CFAP299: variants seen among roughly 807,000 people sequenced by gnomAD.
The protein encoded by CFAP299 is cilia and flagella associated protein 299, also known as cilia- and flagella-associated protein 299.
In CFAP299, 21 loss-of-function variants were observed where a neutral mutation model predicts 27.0. The observed-to-expected ratio is 0.78, with a 90% CI of 0.55 to 1.12. The LOEUF (loss-of-function observed/expected upper bound fraction) is 1.12. CFAP299 is among the 50% of genes most tolerant of loss of function. The pLI, the probability that CFAP299 is intolerant of heterozygous loss-of-function variation, is 0.00. For synonymous variants in CFAP299, 104 were observed against 98.1 expected (o/e 1.06, Z -0.36); for missense variants, 310 against 276.6 (o/e 1.12, Z -0.86).
chr4:80,440,913 C>G (rs1273113616), intron 2 of CFAP299, among the ~76,000 whole-genome samples: 1 of 152,104 alleles, frequency 6.6e-6, no homozygotes, highest in African/African-American at 2.4e-5. Context: ...CATGAAGCAT[C>G]CTCAAGTATC....
intron 3 of CFAP299, among the ~76,000 whole-genome samples, chr4:80,620,416 A>T (rs139413768): frequency 9.1e-4 from 138 of 152,302 alleles, no homozygotes; most frequent in African/African-American, 3.3e-3. Flanking sequence ...CAGACATGGC[A>T]TAGTGATGAA....
chr4:80,436,430 C>G (rs928969132), intron 2 of CFAP299, among the ~76,000 whole-genome samples: 16 of 151,850 alleles, frequency 1.1e-4, no homozygotes, highest in African/African-American at 3.9e-4. Context: ...TCCCGAGTAG[C>G]TGGGACTACC....
intron 2 of CFAP299, among the ~76,000 whole-genome samples, chr4:80,430,547 G>A (rs956694215): frequency 4.6e-5 from 7 of 152,156 alleles, no homozygotes; most frequent in African/African-American, 1.2e-4. Context: ...TCACAAGGAT[G>A]TTTGATTATG....
chr4:80,547,953 G>A (rs2110206191), intron 2 of CFAP299, among the ~76,000 whole-genome samples: 1 of 152,230 alleles, frequency 6.6e-6, no homozygotes, highest in Middle Eastern at 3.4e-3. Flanking sequence ...TAGCCACTGT[G>A]GAATACAATT....
chr4:80,869,450 A>G (rs1489874379), intron 3 of CFAP299, among the ~76,000 whole-genome samples: 1 of 152,144 alleles, frequency 6.6e-6, no homozygotes, highest in African/African-American at 2.4e-5. Context: ...AATAACAACT[A>G]ATTGTTAATT....
chr4:80,526,137 G>A (rs145527893), intron 2 of CFAP299, among the ~76,000 whole-genome samples: 25 of 152,162 alleles, frequency 1.6e-4, no homozygotes, highest in Admixed American at 2.6e-4. Context: ...CCTTTTGGCC[G>A]GAAGTCGGGT....
intron 4 of CFAP299, among the ~76,000 whole-genome samples, chr4:80,893,900 G>A (rs762771312): frequency 1.3e-5 from 2 of 151,910 alleles, no homozygotes; most frequent in Middle Eastern, 6.8e-3. Flanking sequence ...CATAGCAAAC[G>A]AAACAATCAG....
At chr4:80,736,564 G>T (rs1723891211) in intron 3 of CFAP299, among the ~76,000 whole-genome samples, 1 of 152,038 alleles carries the variant, frequency 6.6e-6, no homozygotes, top group South Asian at 2.1e-4. Context: ...ATGAAAAAAT[G>T]CTCACCATCA....
At chr4:80,942,988 G>C (rs1578256694) in intron 4 of CFAP299, among the ~76,000 whole-genome samples, 1 of 152,278 alleles carries the variant, frequency 6.6e-6, no homozygotes, top group East Asian at 1.9e-4. Flanking sequence ...GACTGCCAAT[G>C]CTACAGAATC....
chr4:80,922,975 T>C (rs1376864464), intron 4 of CFAP299, among the ~76,000 whole-genome samples: 1 of 151,850 alleles, frequency 6.6e-6, no homozygotes, highest in Non-Finnish European at 1.5e-5. Context: ...GATCAGCTAT[T>C]GGGCAAAATT....
chr4:80,585,348 A>G (rs1007958212), intron 3 of CFAP299, among the ~76,000 whole-genome samples: 1 of 152,192 alleles, frequency 6.6e-6, no homozygotes, highest in African/African-American at 2.4e-5. Flanking sequence ...ATATGTTCAG[A>G]TGTTAAGAAG....
At chr4:80,680,816 G>T (rs1441179277) in intron 3 of CFAP299, among the ~76,000 whole-genome samples, 1 of 152,156 alleles carries the variant, frequency 6.6e-6, no homozygotes, top group Non-Finnish European at 1.5e-5. Flanking sequence ...TCTCAGCCAT[G>T]AAGTGAAATT....
intron 2 of CFAP299, among the ~76,000 whole-genome samples, chr4:80,425,413 G>C (rs1727486723): frequency 6.6e-6 from 1 of 152,104 alleles, no homozygotes; most frequent in Admixed American, 6.5e-5. Context: ...CCTTATCTAA[G>C]ACATTTATTA....
At chr4:80,858,252 T>A (rs1732057537) in intron 3 of CFAP299, among the ~76,000 whole-genome samples, 2 of 152,100 alleles carry the variant, frequency 1.3e-5, no homozygotes, top group Non-Finnish European at 2.9e-5. Flanking sequence ...TCGGTGGTGA[T>A]ATCCCCTTTA....
chr4:80,654,760 C>G (rs1180169163), intron 3 of CFAP299, among the ~76,000 whole-genome samples: 2 of 151,336 alleles, frequency 1.3e-5, no homozygotes, highest in Non-Finnish European at 1.5e-5. Flanking sequence ...GGCATGCATG[C>G]CACCATGCCG....
Position 80,343,585 on chromosome 4 carries a change from C to T in CFAP299, c.111+7706C>T, listed in dbSNP as rs532100390. Among the ~76,000 whole-genome samples, 3 of 152,038 alleles carry T rather than the reference C, an allele frequency of 2.0e-5. No homozygotes were observed. The South Asian group carries it at 6.2e-4, about 32-fold the overall frequency. On this transcript the variant is annotated intron_variant, in intron 1 of 5. Transcript: ENST00000358105. ...CGGGTGGATCATGAGGTCAGGAGAT[C>T]GAGACCATCCTGGCTAACAAGGTGA...
intron 3 of CFAP299, among the ~76,000 whole-genome samples, chr4:80,715,940 A>G (rs183126446): frequency 1.7e-4 from 26 of 152,204 alleles, no homozygotes; most frequent in Middle Eastern, 3.4e-3. Flanking sequence ...AAGAATAACC[A>G]TGGAAAAGCA....
chr4:80,704,712 G>T (rs921863740), intron 3 of CFAP299, among the ~76,000 whole-genome samples: 12 of 151,638 alleles, frequency 7.9e-5, no homozygotes, highest in Admixed American at 7.9e-4. Flanking sequence ...AATAAATATT[G>T]GTTACCAAAA....
intron 2 of CFAP299, among the ~76,000 whole-genome samples, chr4:80,457,794 G>A (rs1309492597): frequency 6.6e-6 from 1 of 152,050 alleles, no homozygotes; most frequent in Non-Finnish European, 1.5e-5. Context: ...CTCTGCCAAG[G>A]ATATAATTTT....
Sources: allele counts gnomAD v4.1 joint callset (sites outside exome capture counted in the v4.1 genomes callset), GRCh38; gene constraint gnomAD v4.1.1; transcripts MANE v1.5; gene names NCBI Gene and HGNC (gene_info 2026-07-23, HGNC 2026-07-21).